TKT: variants seen among roughly 807,000 people sequenced by gnomAD.
TKT encodes the protein epididymis luminal protein 107.
In TKT, 47 loss-of-function variants were observed where a neutral mutation model predicts 63.9. The observed-to-expected ratio is 0.74, with a 90% CI of 0.58 to 0.94. The LOEUF (loss-of-function observed/expected upper bound fraction) is 0.94, where lower values mean the gene tolerates loss of function less well. Among genes scored for constraint, TKT ranks in the 40% least tolerant of loss-of-function variants. The pLI is 0.00. For synonymous variants in TKT, 338 were observed against 334.1 expected, an observed-to-expected ratio of 1.01 and a Z score of -0.13; for missense variants, 721 against 846.2, an observed-to-expected ratio of 0.85 and a Z score of 1.84.
In TKT at chr3:53,235,071, T is replaced by C. The variant is rs17052920; in HGVS notation, c.541A>G (p.Ile181Val). ...TGGCCCAGGCGATTGATGTCTAGAA[T>C]GGCCACAAGGTTGTCCAGCTTATAG... ...SIYKLDNLVA[I>V]LDINRLGQSD... The change falls in exon 5 of 14, where the codon ATT (isoleucine) becomes GTT (valine). Residue 181 changes from isoleucine (I) to valine (V), a missense_variant. Ile to Val is a conservative substitution (Grantham distance 29, BLOSUM62 3). Coordinates refer to ENST00000462138, the MANE Select transcript of TKT (RefSeq NM_001064.4). 9,729 of 1,614,020 alleles carry C rather than the reference T, an allele frequency of 6.0e-3. 41 individuals carry two copies. Among genetic ancestry groups the C allele is most frequent in the Non-Finnish European group, 7.1e-3 (8,424 of 1,180,024 alleles).
rs543644431 is a variant in TKT at position 53,240,540 on chromosome 3, C to G, written c.340-192G>C. On this transcript the variant is annotated intron_variant, in intron 3 of 13. Coordinates refer to ENST00000462138, the MANE Select transcript of TKT (RefSeq NM_001064.4). ...TATAATTATAGGTTCAAATCCCAGCCCTGCCCACTAGCCAGCTATGTGGCC... is the reference window on the plus strand; with the variant it reads ...TATAATTATAGGTTCAAATCCCAGCGCTGCCCACTAGCCAGCTATGTGGCC... Among the ~76,000 whole-genome samples the G allele has an allele frequency of 3.7e-3, 571 of 152,342 alleles. 2 individuals carry two copies. The highest frequency in any genetic ancestry group is 5.9e-3 in the Non-Finnish European group (399 of 68,030).
At position 53,231,300 on chromosome 3, in the gene TKT, C is replaced by G. The variant is rs1553676937; in HGVS notation, c.942+57G>C. ...AGCCCTCCAGAGGGTGTATCTGGGC[C>G]ACAGACTTGGGAAACCTGAGAACTA... On this transcript the variant is annotated intron_variant, in intron 7 of 13. Transcript: ENST00000462138. The G allele has an allele frequency of 5.7e-6, 9 of 1,587,926 alleles. No individual in the cohort carries two copies. The East Asian group carries it at 2.0e-4, about 35-fold the overall frequency.
chr3:53,233,391 G>A, intron 5 of TKT, 117 bp from the exon 6 acceptor site: 1 of 655,836 alleles, frequency 1.5e-6, no homozygotes, highest in Non-Finnish European at 2.4e-6. Flanking sequence ...CCCCACAACT[G>A]CGGCCTCAGC....
At chr3:53,232,591 TG>T in intron 6 of TKT, 1 of 398,664 alleles carries the variant, frequency 2.5e-6, no homozygotes. Flanking sequence ...CCTAGGAATC[TG>T]AAGCCCACAC....
intron 1 of TKT, among the ~76,000 whole-genome samples, chr3:53,251,194 T>C (rs977685352): frequency 2.8e-4 from 43 of 152,190 alleles, no homozygotes; most frequent in African/African-American, 1.0e-3. Flanking sequence ...TCAGAAACCC[T>C]GGGGGGACTT....
Position 53,229,395 on chromosome 3 carries a change from C to T in TKT, c.1149G>A (p.Val383=). 1.2e-6 allele frequency: 2 copies of T among 1,612,040 alleles called. No individual in the cohort carries two copies. Among genetic ancestry groups the T allele is most frequent in the Non-Finnish European group, 1.7e-6 (2 of 1,179,082 alleles). Residue 383 remains valine (V), a synonymous_variant, in exon 9 of 14, where the codon GTG becomes GTA. Coordinates refer to ENST00000462138, the MANE Select transcript of TKT (RefSeq NM_001064.4). ...AVGCATRNRT[V]PFCSTFAAFF... is the part of the protein sequence containing the mutation. ...AGGCTGCAAAAGTGCTGCAGAAGGGCACCGTCCTGTTGCGGGTGGCACAGC... is the reference window on the plus strand; with the variant it reads ...AGGCTGCAAAAGTGCTGCAGAAGGGTACCGTCCTGTTGCGGGTGGCACAGC...
intron 1 of TKT, among the ~76,000 whole-genome samples, chr3:53,253,154 AT>A (rs1705831554): frequency 6.6e-6 from 1 of 151,886 alleles, no homozygotes; most frequent in Admixed American, 6.6e-5. Flanking sequence ...AACATTATTT[AT>A]TTTTGGAGAC....
At chr3:53,229,837 T>C (rs1407978412) in intron 8 of TKT, among the ~76,000 whole-genome samples, 3 of 151,938 alleles carry the variant, frequency 2.0e-5, no homozygotes, top group Admixed American at 1.3e-4. Context: ...TCAGGTCCAG[T>C]TGGAAGAACT....
chr3:53,241,675 G>T (rs1705283393), intron 2 of TKT, among the ~76,000 whole-genome samples: 3 of 152,190 alleles, frequency 2.0e-5, no homozygotes, highest in African/African-American at 7.2e-5. Context: ...AGAAGGGGGG[G>T]GTCAGGGGGT....
At chr3:53,231,988 A>C in intron 6 of TKT, 1 of 264,252 alleles carries the variant, frequency 3.8e-6, no homozygotes, top group East Asian at 7.1e-5. Context: ...AGGGGAACCC[A>C]AGGCCCAGAA....
chr3:53,234,681 G>A lies in TKT; in HGVS notation c.629+302C>T, dbSNP rs556673489. ...TACCGAGCAAGCCCCCATCCCTCAA[G>A]AACCCTCCTTCCTCAAGAACAAAGC... On this transcript the variant is annotated intron_variant, in intron 5 of 13. Coordinates refer to ENST00000462138, the MANE Select transcript of TKT (RefSeq NM_001064.4). The A allele has an allele frequency of 1.5e-5, 4 of 268,844 alleles. No homozygotes were observed. In the South Asian group the frequency reaches 2.5e-4, roughly 17 times the overall value. The allele number at this position is 268,844 out of a possible 1,614,324, so 16.7% of individuals were successfully genotyped here. A position where few individuals can be genotyped will look rare whatever the true frequency, so the allele number is the denominator to read the frequency against.
At position 53,256,009 on chromosome 3, in the gene TKT, A is replaced by T. The variant is rs925095806; in HGVS notation, c.-67T>A. ...AGATAGCGGCTGCTCCCGCGGCGAC[A>T]GGCGGCTGCCGAGGCCGGGCGCGGG... On this transcript the variant is annotated 5_prime_UTR_variant, in exon 1 of 14. Coordinates refer to ENST00000462138, the MANE Select transcript of TKT (RefSeq NM_001064.4). The T allele has an allele frequency of 1.1e-4, 119 of 1,050,520 alleles. No individual in the cohort carries two copies. Among genetic ancestry groups the T allele is most frequent in the Non-Finnish European group, 1.4e-4 (115 of 805,562 alleles). 65.1% of individuals were successfully genotyped at this position (1,050,520 alleles called of 1,614,324 possible). A position where few individuals can be genotyped will look rare whatever the true frequency, so the allele number is the denominator to read the frequency against.
At chr3:53,255,788 C>T (rs782380689) in intron 1 of TKT, 48 bp downstream of exon 1, 6 of 1,307,712 alleles carry the variant, frequency 4.6e-6, no homozygotes, top group East Asian at 3.3e-5. Context: ...GCCGCAGACG[C>T]CCCCCGCCCC....
chr3:53,234,298 G>C (rs1281533799), intron 5 of TKT: 2 of 152,404 alleles, frequency 1.3e-5, no homozygotes, highest in African/African-American at 4.8e-5. Context: ...GCAAAACGCA[G>C]TCCTGGAGGC....
intron 1 of TKT, among the ~76,000 whole-genome samples, chr3:53,242,467 T>C (rs117633129): frequency 1.3e-5 from 2 of 152,176 alleles, no homozygotes; most frequent in East Asian, 3.9e-4. Flanking sequence ...CTGGGGACTG[T>C]TGTACCTTTC....
intron 4 of TKT, 131 bp from the exon 5 acceptor site, chr3:53,235,305 AT>A: frequency 2.6e-6 from 2 of 763,462 alleles, no homozygotes; most frequent in Admixed American, 6.7e-5. Flanking sequence ...AACAGATGGC[AT>A]TTACACTCGA....
chr3:53,252,420 A>G (rs966226654), intron 1 of TKT, among the ~76,000 whole-genome samples: 1 of 152,266 alleles, frequency 6.6e-6, no homozygotes, highest in African/African-American at 2.4e-5. Flanking sequence ...TATGGGTTGC[A>G]TAGCAACGTT....
intron 4 of TKT, among the ~76,000 whole-genome samples, chr3:53,237,572 A>G (rs1050824599): frequency 2.0e-5 from 3 of 151,822 alleles, no homozygotes; most frequent in Admixed American, 2.0e-4. Context: ...TCATGATAAC[A>G]TGGACAAAAT....
chr3:53,227,731 C>A (rs1704560215), intron 12 of TKT: 1 of 275,430 alleles, frequency 3.6e-6, no homozygotes, highest in South Asian at 4.4e-5. Flanking sequence ...GAATAACTTA[C>A]TTCCTTAACT....
Sources: gnomAD v4.1 joint callset for allele counts (sites outside exome capture counted in the v4.1 genomes callset) on GRCh38, gnomAD v4.1.1 for gene constraint, MANE v1.5 for transcripts, NCBI Gene and HGNC (gene_info 2026-07-23, HGNC 2026-07-21) for gene names.